The following PTPRD variants were observed in gnomAD, a reference collection of about 807,000 sequenced individuals.
PTPRD encodes the protein protein tyrosine phosphatase receptor type D, also known as receptor-type tyrosine-protein phosphatase delta.
Under a neutral mutation model 214.5 loss-of-function variants are expected in PTPRD, and 34 were observed. That is an observed-to-expected ratio of 0.16 (90% CI 0.12 to 0.21). PTPRD has a LOEUF of 0.21. Among genes scored for constraint, PTPRD ranks in the 10% least tolerant of loss-of-function variants. PTPRD has a pLI of 1.00. For missense variants in PTPRD, 2,545 were observed against 2,398.7 expected (o/e 1.06, Z -1.27); for synonymous variants, 1,128 against 845.7 (o/e 1.33, Z -5.79).
At chr9:10,354,380 TA>T (rs1184231760) in intron 2 of PTPRD, among the ~76,000 whole-genome samples, 1 of 152,190 alleles carries the variant, frequency 6.6e-6, no homozygotes, top group Non-Finnish European at 1.5e-5. Context: ...TTCTGACTGT[TA>T]AAAGGCTAAG....
intron 30 of PTPRD, 129 bp from the exon 31 acceptor site, chr9:8,471,214 T>C: frequency 2.8e-6 from 2 of 708,960 alleles, no homozygotes; most frequent in Non-Finnish European, 5.0e-6. Flanking sequence ...GTCCATTTCT[T>C]ACATCAATGA....
At chr9:9,938,306 G>C (rs10816255) in intron 5 of PTPRD, among the ~76,000 whole-genome samples, 1 of 151,952 alleles carries the variant, frequency 6.6e-6, no homozygotes, top group African/African-American at 2.4e-5. Flanking sequence ...CTTGAAATTA[G>C]GTGGATTAAA....
At chr9:8,410,262 G>C (rs548138293) in intron 35 of PTPRD, among the ~76,000 whole-genome samples, 1 of 152,194 alleles carries the variant, frequency 6.6e-6, no homozygotes, top group Non-Finnish European at 1.5e-5. Flanking sequence ...TGAATCCTAT[G>C]ATGTTTTAGA....
rs778093636 is a variant in PTPRD at position 8,486,257 on chromosome 9, G to A, written c.2560C>T (p.Gln854Ter). The A allele has an allele frequency of 6.2e-7, 1 of 1,614,190 alleles. No individual in the cohort carries two copies. The highest frequency in any genetic ancestry group is 2.2e-5 in the East Asian group (1 of 44,876). Residue 854 changes from glutamine (Q) to a stop codon, truncating the protein, a stop_gained, in exon 28 of 46, where the codon CAG (glutamine) becomes TAG (stop). Transcript: ENST00000381196. LOFTEE classifies it high-confidence loss of function. The stretch of plus-strand genomic sequence containing the variant: ...CGGCCAAATTTTAGACGGTAGCCCT[G>A]AAGAGGTCCAAATGTGTCCACCGGA... ...HPPVDTFGPL[Q>*]GYRLKFGRKD...
At position 10,424,644 on chromosome 9, in the gene PTPRD, G is replaced by T. The variant is rs563476417; in HGVS notation, c.-599-83627C>A. Among the ~76,000 whole-genome samples, 108 of 152,004 alleles carry T rather than the reference G, an allele frequency of 7.1e-4. 2 individuals carry two copies. In the South Asian group the frequency reaches 0.02, roughly 28 times the overall value. ...AAACCATGACAGGGATGTATGTAATGCAACGAAGAACAAGCAAAGGGGTTT... is the reference window on the plus strand; with the variant it reads ...AAACCATGACAGGGATGTATGTAATTCAACGAAGAACAAGCAAAGGGGTTT... On this transcript the variant is annotated intron_variant, in intron 2 of 45. Transcript: ENST00000381196.
intron 11 of PTPRD, among the ~76,000 whole-genome samples, chr9:8,844,793 T>C (rs922158058): frequency 6.6e-6 from 1 of 152,212 alleles, no homozygotes; most frequent in African/African-American, 2.4e-5. Flanking sequence ...CAAAGTGAAG[T>C]GTGGCTAGGC....
chr9:9,182,408 A>T (rs2099928708), intron 10 of PTPRD, among the ~76,000 whole-genome samples: 1 of 152,048 alleles, frequency 6.6e-6, no homozygotes, highest in South Asian at 2.1e-4. Flanking sequence ...CGAACTTTTA[A>T]ACCTCACAGA....
chr9:10,459,233 CT>C (rs1363880050), intron 2 of PTPRD, among the ~76,000 whole-genome samples: 1 of 152,100 alleles, frequency 6.6e-6, no homozygotes, highest in Non-Finnish European at 1.5e-5. Flanking sequence ...TGAACTTATC[CT>C]TTTTTATGGC....
chr9:10,068,606 C>A (rs1388969569), intron 3 of PTPRD, among the ~76,000 whole-genome samples: 1 of 151,694 alleles, frequency 6.6e-6, no homozygotes, highest in Non-Finnish European at 1.5e-5. Flanking sequence ...CATATTTGTC[C>A]CTCTTTTTTT....
intron 5 of PTPRD, among the ~76,000 whole-genome samples, chr9:9,920,504 G>A (rs1229214872): frequency 6.6e-6 from 1 of 152,116 alleles, no homozygotes; most frequent in Admixed American, 6.6e-5. Context: ...ATGATGGAGG[G>A]CAAATTGTTT....
chr9:9,987,608 TG>T (rs2095764365), intron 4 of PTPRD, among the ~76,000 whole-genome samples: 1 of 152,140 alleles, frequency 6.6e-6, no homozygotes, highest in Admixed American at 6.5e-5. Flanking sequence ...TGGGTGGGGA[TG>T]TTAGCCAAAC....
chr9:9,931,275 C>T (rs1005783148), intron 5 of PTPRD, among the ~76,000 whole-genome samples: 3 of 152,254 alleles, frequency 2.0e-5, no homozygotes, highest in Non-Finnish European at 2.9e-5. Flanking sequence ...GCGTGAGCGA[C>T]GCAGAAGACA....
At chr9:10,211,972 C>T (rs2498597) in intron 3 of PTPRD, among the ~76,000 whole-genome samples, 134,645 of 151,990 alleles carry the variant, frequency 0.89, 59,714 homozygotes, top group Admixed American at 0.93. Context: ...AAACAAGATA[C>T]AGCAGGTCAA....
At chr9:9,931,104 T>G (rs1240240964) in intron 5 of PTPRD, among the ~76,000 whole-genome samples, 3 of 152,210 alleles carry the variant, frequency 2.0e-5, no homozygotes, top group Non-Finnish European at 4.4e-5. Context: ...ATCCTATTTT[T>G]ATGAAACAAT....
intron 8 of PTPRD, among the ~76,000 whole-genome samples, chr9:9,552,145 A>C (rs913767381): frequency 1.3e-5 from 2 of 152,018 alleles, no homozygotes; most frequent in Non-Finnish European, 2.9e-5. Context: ...TCTCACTTTT[A>C]CCAATAAAGA....
intron 3 of PTPRD, among the ~76,000 whole-genome samples, chr9:10,338,468 T>C (rs971630345): frequency 1.3e-5 from 2 of 151,790 alleles, no homozygotes; most frequent in Admixed American, 1.3e-4. Context: ...TAATTTTTTG[T>C]GTGCCCAGCA....
At chr9:10,052,978 G>A (rs1454822126) in intron 3 of PTPRD, among the ~76,000 whole-genome samples, 1 of 151,978 alleles carries the variant, frequency 6.6e-6, no homozygotes, top group Non-Finnish European at 1.5e-5. Flanking sequence ...GTATTTACTT[G>A]TAAATAACTA....
intron 8 of PTPRD, among the ~76,000 whole-genome samples, chr9:9,506,337 G>C (rs913454741): frequency 3.3e-5 from 5 of 151,364 alleles, no homozygotes; most frequent in African/African-American, 7.3e-5. Context: ...CTTAAAGGGA[G>C]AGCTTCAGGG....
chr9:9,509,658 G>C (rs562575082), intron 8 of PTPRD, among the ~76,000 whole-genome samples: 1 of 151,650 alleles, frequency 6.6e-6, no homozygotes, highest in South Asian at 2.1e-4. Context: ...CTCAGATACA[G>C]CATGAGAATA....
Sources: allele counts gnomAD v4.1 joint callset (sites outside exome capture counted in the v4.1 genomes callset), GRCh38; gene constraint gnomAD v4.1.1; transcripts MANE v1.5; gene names NCBI Gene and HGNC (gene_info 2026-07-23, HGNC 2026-07-21).